Variants in TP53BP1 observed in about 807,000 individuals in gnomAD.
TP53BP1 encodes the protein tumor protein p53 binding protein 1.
A neutral mutation model predicts 200.8 loss-of-function variants in TP53BP1; 61 were observed. The observed-to-expected ratio is 0.30, with a 90% CI of 0.25 to 0.38. The LOEUF (loss-of-function observed/expected upper bound fraction) is 0.38, where lower values mean the gene tolerates loss of function less well. TP53BP1 is among the 10% of genes least tolerant of loss of function. The pLI is 1.00. For synonymous variants in TP53BP1, 822 were observed against 844.3 expected, an observed-to-expected ratio of 0.97 and a Z score of 0.46; for missense variants, 2,144 against 2,371.9, an observed-to-expected ratio of 0.90 and a Z score of 2.00.
intron 15 of TP53BP1, chr15:43,441,309 T>G (rs1421165670): frequency 2.3e-6 from 1 of 443,862 alleles, no homozygotes; most frequent in Non-Finnish European, 4.0e-6. Context: ...TAAAGACATT[T>G]CAATTATCTT....
chr15:43,441,580 G>A lies in TP53BP1; in HGVS notation c.3044C>T (p.Pro1015Leu), dbSNP rs1490858697. The A allele has an allele frequency of 2.5e-6, 4 of 1,611,644 alleles. No homozygotes were observed. The highest frequency in any genetic ancestry group is 1.7e-5 in the Admixed American group (1 of 60,004). Residue 1015 changes from proline to leucine, a missense_variant, in exon 15 of 28, where the codon CCT (proline) becomes CTT (leucine). Physicochemically the swap from Pro to Leu is moderately conservative, Grantham distance 98 (BLOSUM62 -3). Transcript: ENST00000382044. ...EESLQFNLEK[P>L]ATGERKNGST... ...TCCATTTTTTCTTTCACCAGTTGCA[G>A]GCTCTGAATAAAAACAAAACCAAGG... is the stretch of plus-strand genomic sequence containing the variant.
chr15:43,406,418 G>T lies in TP53BP1; in HGVS notation c.*965C>A. 2.9e-6 allele frequency: 1 copy of T among 346,198 alleles called. No homozygotes were observed. Among genetic ancestry groups the T allele is most frequent in the South Asian group, 2.3e-5 (1 of 43,094 alleles). 21.4% of individuals were successfully genotyped at this position (346,198 alleles called of 1,614,324 possible). ...ATCACCCTTTCTACTGCTGTCTCTG[G>T]AGCAGGAGCTGGCAAACTATGGCCT... On this transcript the variant is annotated 3_prime_UTR_variant, in exon 28 of 28. Transcript: ENST00000382044.
At chr15:43,429,494 C>T (rs1185456396) in intron 17 of TP53BP1, among the ~76,000 whole-genome samples, 1 of 152,096 alleles carries the variant, frequency 6.6e-6, no homozygotes, top group Non-Finnish European at 1.5e-5. Flanking sequence ...ATCAAAGTAG[C>T]CAAGTCTTTA....
chr15:43,416,163 C>G, intron 22 of TP53BP1, 62 bp downstream of exon 22: 1 of 1,439,832 alleles, frequency 6.9e-7, no homozygotes, highest in Non-Finnish European at 9.4e-7. Context: ...GGTCCAGAAT[C>G]TCCTCCCACT....
In TP53BP1 at chr15:43,447,478, T is replaced by C. The variant is rs764768387; in HGVS notation, c.2724A>G (p.Pro908=). ...QSFCESSSET[P]FHFTLPKEGD... is the part of the protein sequence containing the mutation. ...CTTCTTTAGGCAAAGTGAAATGAAA[T>C]GGGGTTTCTGAAAAAAAAAAAAAAA... is the stretch of plus-strand genomic sequence containing the variant. Residue 908 remains proline, a synonymous_variant, in exon 13 of 28, where the codon CCA becomes CCG. Transcript: ENST00000382044. 4 of 1,330,218 alleles carry C rather than the reference T, an allele frequency of 3.0e-6. No individual in the cohort carries two copies. The highest frequency in any genetic ancestry group is 3.9e-6 in the Non-Finnish European group (4 of 1,025,374). The allele number at this position is 1,330,218 out of a possible 1,614,324, so 82.4% of individuals were successfully genotyped here. A position where few individuals can be genotyped will look rare whatever the true frequency, so the allele number is the denominator to read the frequency against.
chr15:43,428,293 C>T, intron 17 of TP53BP1, 125 bp from the exon 18 acceptor site: 2 of 857,274 alleles, frequency 2.3e-6, no homozygotes, highest in Non-Finnish European at 3.6e-6. Context: ...AATCTTCCTA[C>T]TGTTTTGTTT....
intron 18 of TP53BP1, among the ~76,000 whole-genome samples, chr15:43,425,220 C>A (rs1023877519): frequency 2.0e-5 from 3 of 152,170 alleles, no homozygotes; most frequent in African/African-American, 7.2e-5. Flanking sequence ...AGAAAACAGA[C>A]TAAGAGAGCG....
At position 43,491,719 on chromosome 15, in the gene TP53BP1, A is replaced by G. The variant is rs762630029; in HGVS notation, c.321T>C (p.Gly107=). 3 of 1,614,068 alleles carry G rather than the reference A, an allele frequency of 1.9e-6. No homozygotes were observed. The East Asian group carries it at 6.7e-5, about 36-fold the overall frequency. ...PVDSSNLDTC[G]SISQVIEQLP... ...ACTGCTCAATGACCTGACTGATGGA[A>G]CCACATGTGTCCAAGTTAGAAGAAT... The change falls in exon 4 of 28, where the codon GGT becomes GGC. Residue 107 remains glycine (G), a synonymous_variant. Coordinates refer to ENST00000382044, the MANE Select transcript of TP53BP1 (RefSeq NM_001141980.3).
chr15:43,483,965 T>C (rs570792003), intron 4 of TP53BP1, among the ~76,000 whole-genome samples: 29 of 152,328 alleles, frequency 1.9e-4, no homozygotes, highest in African/African-American at 6.7e-4. Context: ...ACTACCTATC[T>C]GCTTATGAGT....
In TP53BP1 at chr15:43,456,058, T is replaced by C. The variant is rs1278452107; in HGVS notation, c.2550A>G (p.Arg850=). 1.2e-6 allele frequency: 2 copies of C among 1,614,088 alleles called. No individual in the cohort carries two copies. The highest frequency in any genetic ancestry group is 1.7e-6 in the Non-Finnish European group (2 of 1,180,048). ...GGGGCTGCTGCAACTCCTGGTCAAG[T>C]CTTAAAGGATCATCTGCTCTCACTA... ...LPLVRADDPL[R]LDQELQQPQT... Residue 850 remains arginine (R), a synonymous_variant, in exon 12 of 28, where the codon AGA becomes AGG. Transcript: ENST00000382044.
intron 4 of TP53BP1, among the ~76,000 whole-genome samples, chr15:43,488,891 T>A (rs2079083470): frequency 6.6e-6 from 1 of 151,636 alleles, no homozygotes; most frequent in Non-Finnish European, 1.5e-5. Flanking sequence ...TGGGACTCCG[T>A]CTCAAAAAAA....
chr15:43,430,915 A>G (rs773866714), intron 17 of TP53BP1, among the ~76,000 whole-genome samples: 1 of 152,094 alleles, frequency 6.6e-6, no homozygotes, highest in Non-Finnish European at 1.5e-5. Flanking sequence ...CTTTTCACTT[A>G]GAGGAAGCAC....
chr15:43,427,970 A>G (rs527405874), intron 18 of TP53BP1, 46 bp downstream of exon 18: 193 of 1,407,290 alleles, frequency 1.4e-4, no homozygotes, highest in South Asian at 9.4e-4. Context: ...AAAAAAAAAA[A>G]AAAGAAAGAA....
intron 1 of TP53BP1, among the ~76,000 whole-genome samples, chr15:43,505,244 GA>G (rs1236680439): frequency 6.6e-6 from 1 of 151,746 alleles, no homozygotes; most frequent in Non-Finnish European, 1.5e-5. Flanking sequence ...ATACTTTGGG[GA>G]AAAAAAAGAT....
Position 43,407,238 on chromosome 15 carries a change from ATTTAT to A in TP53BP1, c.*140_*144del. The A allele has an allele frequency of 2.9e-6, 2 of 697,928 alleles. No individual in the cohort carries two copies. The highest frequency in any genetic ancestry group is 2.1e-5 in the South Asian group (1 of 48,680). 43.2% of individuals were successfully genotyped at this position (697,928 alleles called of 1,614,324 possible). ...GTTACTACAACCAAAGAGATTCAAC[ATTTAT>A]TTTATCATAAAAGTTCAGCAAATAA... is the stretch of plus-strand genomic sequence containing the variant. On this transcript the variant is annotated 3_prime_UTR_variant, in exon 28 of 28. Transcript: ENST00000382044.
At chr15:43,485,812 C>T (rs993448973) in intron 4 of TP53BP1, among the ~76,000 whole-genome samples, 1 of 151,686 alleles carries the variant, frequency 6.6e-6, no homozygotes, top group Non-Finnish European at 1.5e-5. Flanking sequence ...TGCCACTGCG[C>T]TCCAGCCTGG....
chr15:43,468,154 G>A (rs565831544), intron 11 of TP53BP1, among the ~76,000 whole-genome samples: 26 of 151,636 alleles, frequency 1.7e-4, no homozygotes, highest in Admixed American at 5.3e-4. Context: ...CAAACTCCTA[G>A]GTTCAAATGC....
At chr15:43,507,034 T>C (rs1004779911) in intron 1 of TP53BP1, among the ~76,000 whole-genome samples, 1 of 152,236 alleles carries the variant, frequency 6.6e-6, no homozygotes, top group Non-Finnish European at 1.5e-5. Context: ...CTGGGGCCCT[T>C]GAGCCACTTA....
intron 1 of TP53BP1, among the ~76,000 whole-genome samples, chr15:43,501,172 T>C (rs927572441): frequency 1.3e-5 from 2 of 152,036 alleles, no homozygotes; most frequent in Non-Finnish European, 2.9e-5. Context: ...AAAATTTACA[T>C]ACAGTGAAAT....
Sources: gnomAD v4.1 joint callset for allele counts (sites outside exome capture counted in the v4.1 genomes callset) on GRCh38, gnomAD v4.1.1 for gene constraint, MANE v1.5 for transcripts, NCBI Gene and HGNC (gene_info 2026-07-23, HGNC 2026-07-21) for gene names.